The following CD247 variants were observed in gnomAD, a reference collection of about 807,000 sequenced individuals.
CD247 encodes CD247 molecule.
In CD247, 13 loss-of-function variants were observed where a neutral mutation model predicts 30.0. That is an observed-to-expected ratio of 0.43 (90% CI 0.28 to 0.69). CD247 has a LOEUF of 0.69. Among genes scored for constraint, CD247 ranks in the 30% least tolerant of loss-of-function variants. The pLI is 0.16. For missense variants in CD247, 193 were observed against 212.6 expected (o/e 0.91, Z 0.57); for synonymous variants, 72 against 80.0 (o/e 0.90, Z 0.53).
Position 167,494,742 on chromosome 1 carries a change from A to G in CD247, c.58+23666T>C, listed in dbSNP as rs555581855. Reference sequence around the variant, plus strand: ...TGTATCTCCTATAATTCCTGGATACAGATAAATGTTTATTAAAGAATGTGA... The same window carrying G: ...TGTATCTCCTATAATTCCTGGATACGGATAAATGTTTATTAAAGAATGTGA... On this transcript the variant is annotated intron_variant, in intron 1 of 7. Transcript: ENST00000362089. The surrounding 1 kb of genome is among the most constrained non-coding windows in gnomAD (Gnocchi z 7.3). Among the ~76,000 whole-genome samples the G allele has an allele frequency of 6.6e-6, 1 of 152,226 alleles. No individual in the cohort carries two copies. Among genetic ancestry groups the G allele is most frequent in the Non-Finnish European group, 1.5e-5 (1 of 68,042 alleles).
intron 1 of CD247, among the ~76,000 whole-genome samples, chr1:167,448,972 C>T (rs568582550): frequency 2.6e-4 from 39 of 152,186 alleles, no homozygotes; most frequent in Admixed American, 3.3e-4. Flanking sequence ...ATCATTTGTT[C>T]AAAACTACCT....
chr1:167,442,877 G>C (rs1651905326), intron 1 of CD247, among the ~76,000 whole-genome samples: 1 of 152,182 alleles, frequency 6.6e-6, no homozygotes, highest in Non-Finnish European at 1.5e-5. Context: ...GAGAGTCCAA[G>C]CTCTTTGTCC....
chr1:167,516,099 T>A (rs1409848188), intron 1 of CD247, among the ~76,000 whole-genome samples: 1 of 152,244 alleles, frequency 6.6e-6, no homozygotes, highest in African/African-American at 2.4e-5. Context: ...GCCACCTTCC[T>A]AAAAGCAGAG....
At chr1:167,471,891 A>T (rs1453658655) in intron 1 of CD247, among the ~76,000 whole-genome samples, 6 of 126,854 alleles carry the variant, frequency 4.7e-5, no homozygotes, top group African/African-American at 6.2e-5. Context: ...GAAGTGCAGT[A>T]GTGCGATCTC....
intron 1 of CD247, among the ~76,000 whole-genome samples, chr1:167,470,504 TAAAAAAA>T (rs55679205): frequency 8.2e-6 from 1 of 122,496 alleles, no homozygotes; most frequent in Non-Finnish European, 1.6e-5. Flanking sequence ...ATGTTAATTG[TAAAAAAA>T]AAAAAAAAAA....
At chr1:167,496,621 G>C (rs1654702009) in intron 1 of CD247, among the ~76,000 whole-genome samples, 1 of 152,328 alleles carries the variant, frequency 6.6e-6, no homozygotes, top group East Asian at 1.9e-4. Context: ...GCTGGGCCAA[G>C]AGAGAAATTA....
intron 1 of CD247, among the ~76,000 whole-genome samples, chr1:167,445,691 G>T (rs1652045612): frequency 6.6e-6 from 1 of 152,100 alleles, no homozygotes; most frequent in Non-Finnish European, 1.5e-5. Context: ...GAATTGCGTT[G>T]TTTGTCTGTC....
At position 167,466,582 on chromosome 1, in the gene CD247, A is replaced by G. The variant is rs537928067; in HGVS notation, c.59-25815T>C. Among the ~76,000 whole-genome samples, 5 of 152,324 alleles carry G rather than the reference A, an allele frequency of 3.3e-5. No homozygotes were observed. In the South Asian group the frequency reaches 1.0e-3, roughly 32 times the overall value. On this transcript the variant is annotated intron_variant, in intron 1 of 7. Coordinates refer to ENST00000362089, the MANE Select transcript of CD247 (RefSeq NM_198053.3). ...AATAAAATTTAATCCAGTTTCATTT[A>G]TGAGGAAAAACGTGTGTATGTGTGT... is the stretch of plus-strand genomic sequence containing the variant.
At chr1:167,463,744 A>G (rs1369702263) in intron 1 of CD247, among the ~76,000 whole-genome samples, 1 of 152,252 alleles carries the variant, frequency 6.6e-6, no homozygotes, top group Non-Finnish European at 1.5e-5. Flanking sequence ...CTGGATCTAC[A>G]TAGATTCATT....
chr1:167,439,952 A>G (rs1651741808), intron 2 of CD247: 2 of 166,618 alleles, frequency 1.2e-5, no homozygotes, highest in Non-Finnish European at 2.6e-5. Context: ...CTCCTGCTTC[A>G]CTTCATGCCG....
rs777521703 is a variant in CD247, at chr1:167,440,711, G to C, written c.115C>G (p.Leu39Val). 2 of 1,613,884 alleles carry C rather than the reference G, an allele frequency of 1.2e-6. No homozygotes were observed. ...PKLCYLLDGI[L>V]FIYGVILTAL... is the part of the protein sequence containing the mutation. ...GTGAGAATGACACCATAGATGAAGAGGATTCCATCCAGCAGGTAGCAGAGT... is the reference window on the plus strand; with the variant it reads ...GTGAGAATGACACCATAGATGAAGACGATTCCATCCAGCAGGTAGCAGAGT... Residue 39 changes from leucine to valine, a missense_variant, in exon 2 of 8, where the codon CTC becomes GTC. Leu to Val is a conservative substitution (Grantham distance 32). Transcript: ENST00000362089.
At chr1:167,468,485 CAA>C (rs1653367200) in intron 1 of CD247, among the ~76,000 whole-genome samples, 1 of 152,132 alleles carries the variant, frequency 6.6e-6, no homozygotes, top group African/African-American at 2.4e-5. Flanking sequence ...GACATGAAGC[CAA>C]AACACCTCTT....
At chr1:167,449,431 G>C (rs1399784295) in intron 1 of CD247, among the ~76,000 whole-genome samples, 1 of 151,420 alleles carries the variant, frequency 6.6e-6, no homozygotes, top group Non-Finnish European at 1.5e-5. Context: ...TGGGATTACA[G>C]GTGTGAGCCA....
rs201494226 is a variant in CD247 at position 167,518,400 on chromosome 1, G to A, written c.58+8C>T. 6.9e-5 allele frequency: 111 copies of A among 1,613,932 alleles called. 1 individual carries two copies. The Middle Eastern group carries it at 5.6e-3, about 82-fold the overall frequency. ...AGAAGTTCCCTGCCGTCGACACGTC[G>A]GCCCTACCTGTAATCGGCAACTGTG... On this transcript the variant is annotated splice_region_variant and intron_variant, in intron 1 of 7. Coordinates refer to ENST00000362089, the MANE Select transcript of CD247 (RefSeq NM_198053.3).
intron 1 of CD247, among the ~76,000 whole-genome samples, chr1:167,477,615 G>GC (rs1653804522): frequency 6.6e-6 from 1 of 152,118 alleles, no homozygotes; most frequent in Admixed American, 6.6e-5. Context: ...CTGCAGCCTT[G>GC]ACCTCCTGGG....
At chr1:167,513,824 T>C (rs1371881494) in intron 1 of CD247, among the ~76,000 whole-genome samples, 1 of 152,120 alleles carries the variant, frequency 6.6e-6, no homozygotes, top group Admixed American at 6.5e-5. Flanking sequence ...AAACAAATAG[T>C]GGAAATTTCA....
chr1:167,450,223 C>T (rs747026575), intron 1 of CD247, among the ~76,000 whole-genome samples: 15 of 152,144 alleles, frequency 9.9e-5, no homozygotes, highest in Non-Finnish European at 1.8e-4. Context: ...GGGCCAGGTG[C>T]GGTGGCTCAG....
At chr1:167,485,511 A>C (rs942600127) in intron 1 of CD247, among the ~76,000 whole-genome samples, 1 of 152,036 alleles carries the variant, frequency 6.6e-6, no homozygotes, top group African/African-American at 2.4e-5. Context: ...TAGGGTGTGG[A>C]TTGAGGGAGA....
chr1:167,506,544 T>C (rs1427440963), intron 1 of CD247, among the ~76,000 whole-genome samples: 7 of 151,992 alleles, frequency 4.6e-5, no homozygotes, highest in Non-Finnish European at 1.0e-4. Context: ...TTTTATTTTT[T>C]TTGTATTTTA....
Sources: allele counts gnomAD v4.1 joint callset (sites outside exome capture counted in the v4.1 genomes callset), GRCh38; gene constraint gnomAD v4.1.1; non-coding constraint Gnocchi (gnomAD v3.1); transcripts MANE v1.5; gene names NCBI Gene and HGNC (gene_info 2026-07-23, HGNC 2026-07-21).